Variants in XPO4 observed in about 807,000 individuals in gnomAD.
The protein encoded by XPO4 is exportin 4.
In XPO4, 39 loss-of-function variants were observed where a neutral mutation model predicts 143.0. The ratio of observed to expected loss-of-function variants is 0.27; its 90% CI spans 0.21 to 0.36. XPO4 has a LOEUF of 0.36. XPO4 is among the 10% of genes least tolerant of loss of function. The pLI, the probability that XPO4 is intolerant of heterozygous loss-of-function variation, is 1.00. For synonymous variants in XPO4, 439 were observed against 474.0 expected (o/e 0.93, Z 0.96); for missense variants, 907 against 1,348.0 (o/e 0.67, Z 5.12).
In XPO4 at chr13:20,783,484, T is replaced by A; in HGVS notation, c.*238A>T. Reference sequence around the variant, plus strand: ...GGAATTTCATTTTGAAAATTTTAAATCACCATTCAGAATCTAAAAGACATA... The same window carrying A: ...GGAATTTCATTTTGAAAATTTTAAAACACCATTCAGAATCTAAAAGACATA... On this transcript the variant is annotated 3_prime_UTR_variant, in exon 23 of 23. Coordinates refer to ENST00000255305, the MANE Select transcript of XPO4 (RefSeq NM_022459.5). The A allele has an allele frequency of 1.9e-6, 1 of 533,660 alleles. No homozygotes were observed. The highest frequency in any genetic ancestry group is 3.3e-6 in the Non-Finnish European group (1 of 301,012). The allele number at this position is 533,660 out of a possible 1,614,324, so 33.1% of individuals were successfully genotyped here. A position where few individuals can be genotyped will look rare whatever the true frequency, so the allele number is the denominator to read the frequency against.
At chr13:20,825,670 T>A (rs1449864940) in intron 7 of XPO4, among the ~76,000 whole-genome samples, 1 of 152,310 alleles carries the variant, frequency 6.6e-6, no homozygotes, top group Middle Eastern at 3.4e-3. Flanking sequence ...GAATCTACTT[T>A]CAGTCAAGTG....
chr13:20,879,040 A>G (rs1387803368), intron 1 of XPO4: 2 of 927,066 alleles, frequency 2.2e-6, no homozygotes, highest in East Asian at 2.3e-4. Context: ...AGGAATCATC[A>G]AAAGCTAAAA....
At chr13:20,804,616 T>A (rs1296473040) in intron 13 of XPO4, among the ~76,000 whole-genome samples, 1 of 152,174 alleles carries the variant, frequency 6.6e-6, no homozygotes, top group South Asian at 2.1e-4. Context: ...CTGGCACGCA[T>A]AGGAGTTGAA....
At chr13:20,882,737 A>C (rs1566625083) in intron 1 of XPO4, among the ~76,000 whole-genome samples, 1 of 151,922 alleles carries the variant, frequency 6.6e-6, no homozygotes. Flanking sequence ...AAAATACAAA[A>C]ATTAGCCAGG....
rs68037393 is a variant in XPO4 at position 20,861,297 on chromosome 13, C to CTTTT, written c.317+1416_317+1419dup. ...AAGTTATGTAGCTGATAGTTTTCCT[C>CTTTT]TTTTTTTTTTTTTTTTGAGATGGAG... On this transcript the variant is annotated intron_variant, in intron 3 of 22. Coordinates refer to ENST00000255305, the MANE Select transcript of XPO4 (RefSeq NM_022459.5). Among the ~76,000 whole-genome samples, 275 of 134,956 alleles carry CTTTT rather than the reference C, an allele frequency of 2.0e-3. 5 individuals are homozygous for CTTTT. The highest frequency in any genetic ancestry group is 0.011 in the East Asian group (50 of 4,604). The allele number at this position is 134,956 out of a possible 152,430, so 88.5% of individuals were successfully genotyped here. A position where few individuals can be genotyped will look rare whatever the true frequency, so the allele number is the denominator to read the frequency against.
intron 1 of XPO4, among the ~76,000 whole-genome samples, chr13:20,873,080 C>T (rs960008657): frequency 4.2e-5 from 6 of 142,522 alleles, no homozygotes; most frequent in Non-Finnish European, 9.0e-5. Context: ...AGTAGAGACC[C>T]GTGACCATTC....
rs1555339513 is a variant in XPO4, at chr13:20,851,727, A to AAAAG, written c.456+3896_456+3899dup. 344 of 857,840 alleles carry AAAAG rather than the reference A, an allele frequency of 4.0e-4. 2 individuals carry two copies. The East Asian group carries it at 7.5e-3, about 19-fold the overall frequency. 53.1% of individuals were successfully genotyped at this position (857,840 alleles called of 1,614,324 possible). A position where few individuals can be genotyped will look rare whatever the true frequency, so the allele number is the denominator to read the frequency against. Reference sequence around the variant, plus strand: ...CCGGTCTCACAAAAAAAAAAAAAAAAAAAGAAAGAAAGAAAGAAAGAAAGA... The same window carrying AAAAG: ...CCGGTCTCACAAAAAAAAAAAAAAAAAAAGAAAGAAAGAAAGAAAGAAAGAAAGA... On this transcript the variant is annotated intron_variant, in intron 4 of 22. Coordinates refer to ENST00000255305, the MANE Select transcript of XPO4 (RefSeq NM_022459.5).
chr13:20,843,970 C>T (rs966339730), intron 4 of XPO4, 84 bp from the exon 5 acceptor site: 12 of 981,350 alleles, frequency 1.2e-5, no homozygotes, highest in Non-Finnish European at 1.9e-5. Context: ...CATAATAGAA[C>T]ATTTTCTCCC....
intron 6 of XPO4, among the ~76,000 whole-genome samples, chr13:20,842,022 C>T (rs889726147): frequency 2.5e-4 from 38 of 152,178 alleles, no homozygotes; most frequent in African/African-American, 7.9e-4. Flanking sequence ...ATTTAATTCA[C>T]GGAGGCTATT....
intron 1 of XPO4, among the ~76,000 whole-genome samples, chr13:20,885,704 CA>C: frequency 6.6e-6 from 1 of 151,938 alleles, no homozygotes; most frequent in Non-Finnish European, 1.5e-5. Flanking sequence ...TTTGGGAGGC[CA>C]AGGCAGGAAG....
chr13:20,888,832 C>T (rs1358446722), intron 1 of XPO4, among the ~76,000 whole-genome samples: 19 of 148,898 alleles, frequency 1.3e-4, no homozygotes, highest in Admixed American at 6.0e-4. Context: ...GAGACAGTTT[C>T]GCTCTTGTTG....
chr13:20,853,197 G>C, intron 4 of XPO4: 2 of 254,198 alleles, frequency 7.9e-6, no homozygotes, highest in Non-Finnish European at 1.2e-5. Flanking sequence ...GCCAGGAGTG[G>C]TGGCTTGTGC....
At chr13:20,851,459 T>C in intron 4 of XPO4, 1 of 983,846 alleles carries the variant, frequency 1.0e-6, no homozygotes, top group Non-Finnish European at 1.2e-6. Flanking sequence ...CTCACACCTA[T>C]AATCTTTGGG....
intron 13 of XPO4, among the ~76,000 whole-genome samples, chr13:20,802,400 T>G (rs1331000322): frequency 6.6e-6 from 1 of 152,172 alleles, no homozygotes; most frequent in Non-Finnish European, 1.5e-5. Context: ...AGTGCTCGTT[T>G]GAGTTTTTTA....
intron 4 of XPO4, among the ~76,000 whole-genome samples, chr13:20,847,744 G>A (rs985769927): frequency 2.6e-5 from 4 of 151,964 alleles, no homozygotes; most frequent in African/African-American, 7.3e-5. Context: ...CAGTGAATTC[G>A]GATCAAAGTT....
chr13:20,879,963 A>G (rs1363030512), intron 1 of XPO4, among the ~76,000 whole-genome samples: 2 of 152,256 alleles, frequency 1.3e-5, no homozygotes, highest in Non-Finnish European at 2.9e-5. Context: ...AAGCACATGA[A>G]AAGATGTCCA....
At chr13:20,831,332 T>C (rs745692089) in intron 6 of XPO4, among the ~76,000 whole-genome samples, 19 of 152,194 alleles carry the variant, frequency 1.2e-4, no homozygotes, top group Non-Finnish European at 2.6e-4. Flanking sequence ...GTTTGGTTTA[T>C]AGTCACCACT....
Position 20,862,718 on chromosome 13 carries a change from T to A in XPO4, c.316A>T (p.Asn106Tyr), listed in dbSNP as rs771845690. The A allele has an allele frequency of 6.2e-6, 10 of 1,613,964 alleles. No homozygotes were observed. The highest frequency in any genetic ancestry group is 8.5e-6 in the Non-Finnish European group (10 of 1,179,968). ...AGCAGTCCCCCTCCATGTACTTACTTGGGCCTTTGTAAGACATAGGTTAAA... is the reference window on the plus strand; with the variant it reads ...AGCAGTCCCCCTCCATGTACTTACTAGGGCCTTTGTAAGACATAGGTTAAA... ...FLLTYVLQRP[N>Y]LQKYVREQIL... The change falls in exon 3 of 23, where the codon AAC (asparagine) becomes TAC (tyrosine). Residue 106 changes from asparagine to tyrosine, a missense_variant and splice_region_variant. Asn to Tyr is a moderately radical substitution (Grantham distance 143). Transcript: ENST00000255305.
At chr13:20,873,995 C>T (rs144527220) in intron 1 of XPO4, among the ~76,000 whole-genome samples, 40 of 152,256 alleles carry the variant, frequency 2.6e-4, no homozygotes, top group African/African-American at 9.1e-4. Context: ...CTGGAGAAAA[C>T]AGGATTCAGA....
Sources: allele counts gnomAD v4.1 joint callset (sites outside exome capture counted in the v4.1 genomes callset), GRCh38; gene constraint gnomAD v4.1.1; transcripts MANE v1.5; gene names NCBI Gene and HGNC (gene_info 2026-07-23, HGNC 2026-07-21).